Variants in CALB2 observed in about 807,000 individuals in gnomAD.
The protein encoded by CALB2 is calretinin.
In CALB2, 34 loss-of-function variants were observed where a neutral mutation model predicts 45.9. That is an observed-to-expected ratio of 0.74 (90% CI 0.56 to 0.99). The LOEUF is 0.99. CALB2 is among the 50% of genes least tolerant of loss of function. CALB2 has a pLI of 0.00. For missense variants in CALB2, 344 were observed against 339.3 expected, an observed-to-expected ratio of 1.01 and a Z score of -0.11; for synonymous variants, 142 against 129.6, an observed-to-expected ratio of 1.10 and a Z score of -0.65.
At chr16:71,384,518 CAACACACACAGATCACACACACAA>C (rs1354327997) in intron 8 of CALB2, 140 bp downstream of exon 8, 14 of 715,176 alleles carry the variant, frequency 2.0e-5, no homozygotes, top group Non-Finnish European at 2.5e-5. Context: ...ACCACACACA[CAACACACACAGATCACACACACAA>C]AACACACACA....
chr16:71,383,489 T>G (rs2042525006), intron 6 of CALB2, 45 bp downstream of exon 6: 2 of 1,568,666 alleles, frequency 1.3e-6, no homozygotes, highest in Non-Finnish European at 1.8e-6. Flanking sequence ...GCAGGACTTG[T>G]GCCCCAAGCC....
chr16:71,379,818 G>C (rs2042466044), intron 4 of CALB2, among the ~76,000 whole-genome samples: 1 of 152,252 alleles, frequency 6.6e-6, no homozygotes, highest in East Asian at 1.9e-4. Flanking sequence ...TTCTCAGGGT[G>C]GAACAGTCAT....
intron 1 of CALB2, among the ~76,000 whole-genome samples, chr16:71,366,367 G>T (rs1373924080): frequency 7.9e-5 from 8 of 100,688 alleles, no homozygotes; most frequent in African/African-American, 2.8e-4. Flanking sequence ...GTCTCGCCTT[G>T]TCACCCAGGC....
rs181474510 is a variant in CALB2, at chr16:71,361,322, C to G, written c.94+2436C>G. 2.6e-3 allele frequency among the ~76,000 whole-genome samples: 402 copies of G among 152,296 alleles called. 4 individuals carry two copies. Among genetic ancestry groups the G allele is most frequent in the African/African-American group, 9.1e-3 (377 of 41,562 alleles). On this transcript the variant is annotated intron_variant, in intron 1 of 10. Coordinates refer to ENST00000302628, the MANE Select transcript of CALB2 (RefSeq NM_001740.5). ...TGTATACAGCCAAATCGGAATTCCA[C>G]AAAAGGATCCAGAATTAGGCTTTGG...
intron 10 of CALB2, chr16:71,389,394 G>C: frequency 1.3e-5 from 6 of 455,038 alleles, no homozygotes; most frequent in Middle Eastern, 3.2e-4. Flanking sequence ...TGTCACAATA[G>C]CTACCTTTTA....
rs2042517092 is a variant in CALB2 at position 71,382,901 on chromosome 16, C to A, written c.399+126C>A. ...TGCTTAGGAATACTCAGACCTGGCA[C>A]TGAATTGTTGGACTTGTTTAGAGAA... On this transcript the variant is annotated intron_variant, in intron 5 of 10. Coordinates refer to ENST00000302628, the MANE Select transcript of CALB2 (RefSeq NM_001740.5). 2.3e-5 allele frequency: 19 copies of A among 809,384 alleles called. No homozygotes were observed. In the East Asian group the frequency reaches 3.4e-4, roughly 14 times the overall value. The allele number at this position is 809,384 out of a possible 1,614,324, so 50.1% of individuals were successfully genotyped here.
intron 6 of CALB2, 89 bp downstream of exon 6, chr16:71,383,533 C>A: frequency 8.4e-7 from 1 of 1,190,328 alleles, no homozygotes; most frequent in Non-Finnish European, 1.2e-6. Context: ...CCCTTGTTTG[C>A]TGATTCTTCA....
chr16:71,380,763 C>G (rs1254035974), intron 4 of CALB2, among the ~76,000 whole-genome samples: 7 of 152,156 alleles, frequency 4.6e-5, no homozygotes, highest in Admixed American at 2.0e-4. Flanking sequence ...TTTTTACCAG[C>G]CAGAAGCCTG....
intron 10 of CALB2, among the ~76,000 whole-genome samples, chr16:71,388,802 G>A (rs2042601363): frequency 6.7e-6 from 1 of 148,546 alleles, no homozygotes; most frequent in East Asian, 2.0e-4. Flanking sequence ...CCAACATGGT[G>A]AAACCCCCGT....
intron 10 of CALB2, among the ~76,000 whole-genome samples, chr16:71,388,346 AAAAAAG>A (rs1555527411): frequency 3.8e-4 from 52 of 137,150 alleles, no homozygotes; most frequent in African/African-American, 7.1e-4. Context: ...AAAAAAAAAA[AAAAAAG>A]AAAAAGAAAA....
intron 1 of CALB2, among the ~76,000 whole-genome samples, chr16:71,371,844 T>G (rs2042354992): frequency 6.6e-6 from 1 of 152,212 alleles, no homozygotes; most frequent in East Asian, 1.9e-4. Context: ...GTCACACCTC[T>G]GCCACCTCGT....
At position 71,380,843 on chromosome 16, in the gene CALB2, A is replaced by T. The variant is rs1005590217; in HGVS notation, c.343-1876A>T. On this transcript the variant is annotated intron_variant, in intron 4 of 10. Transcript: ENST00000302628. ...CTCCCATCCCAGCACTCAGCACAAC[A>T]ACTCCTAATTTTAGTGATGCCTCAG... is the stretch of plus-strand genomic sequence containing the variant. Among the ~76,000 whole-genome samples, 5 of 152,256 alleles carry T rather than the reference A, an allele frequency of 3.3e-5. No individual in the cohort carries two copies. In the South Asian group the frequency reaches 1.0e-3, roughly 32 times the overall value.
chr16:71,360,344 G>A (rs1260458365), intron 1 of CALB2, among the ~76,000 whole-genome samples: 1 of 152,162 alleles, frequency 6.6e-6, no homozygotes, highest in Non-Finnish European at 1.5e-5. Flanking sequence ...ACCTGAGTTA[G>A]GACTGTGATC....
At chr16:71,376,629 C>T (rs1244542370) in intron 3 of CALB2, among the ~76,000 whole-genome samples, 1 of 152,016 alleles carries the variant, frequency 6.6e-6, no homozygotes, top group Non-Finnish European at 1.5e-5. Flanking sequence ...CCACATGCAC[C>T]CACATGCAAC....
At chr16:71,362,255 C>T (rs920850938) in intron 1 of CALB2, among the ~76,000 whole-genome samples, 7 of 152,278 alleles carry the variant, frequency 4.6e-5, no homozygotes, top group Middle Eastern at 6.8e-3. Context: ...GACAGGCCAC[C>T]GGGCTCCTAT....
At chr16:71,374,709 C>A in intron 2 of CALB2, 36 bp from the exon 3 acceptor site, 1 of 1,402,964 alleles carries the variant, frequency 7.1e-7, no homozygotes, top group Non-Finnish European at 1.0e-6. Context: ...ACATGAGATA[C>A]AGCAGCAAAA....
chr16:71,388,760 C>A (rs574896015), intron 10 of CALB2, among the ~76,000 whole-genome samples: 1 of 151,272 alleles, frequency 6.6e-6, no homozygotes, highest in Admixed American at 6.6e-5. Flanking sequence ...GCGGGCAGAT[C>A]ACCTGAGGTC....
chr16:71,367,699 CCT>C (rs1458826536), intron 1 of CALB2, among the ~76,000 whole-genome samples: 1 of 152,164 alleles, frequency 6.6e-6, no homozygotes, highest in African/African-American at 2.4e-5. Flanking sequence ...GTGATAGCTC[CCT>C]GAGCACCAGG....
intron 1 of CALB2, among the ~76,000 whole-genome samples, chr16:71,361,814 GTA>G (rs1197537992): frequency 6.6e-6 from 1 of 152,198 alleles, no homozygotes; most frequent in Non-Finnish European, 1.5e-5. Context: ...AGGAAGAAGT[GTA>G]TGTTTGGAGA....
Sources: allele counts gnomAD v4.1 joint callset (sites outside exome capture counted in the v4.1 genomes callset), GRCh38; gene constraint gnomAD v4.1.1; transcripts MANE v1.5; gene names NCBI Gene and HGNC (gene_info 2026-07-23, HGNC 2026-07-21).